Variants in IGF2BP3 observed in about 807,000 individuals in gnomAD.
The protein encoded by IGF2BP3 is insulin-like growth factor 2 mRNA-binding protein 3.
In IGF2BP3, 9 loss-of-function variants were observed where a neutral mutation model predicts 73.8. That is an observed-to-expected ratio of 0.12 (90% confidence interval 0.07 to 0.21). The LOEUF is 0.21. IGF2BP3 is among the 10% of genes least tolerant of loss of function. The pLI, the probability that IGF2BP3 is intolerant of heterozygous loss-of-function variation, is 1.00. For missense variants in IGF2BP3, 542 were observed against 714.0 expected (o/e 0.76, Z 2.75); for synonymous variants, 258 against 256.7 (o/e 1.01, Z -0.05).
chr7:23,362,983 G>C (rs1785270797), intron 3 of IGF2BP3, among the ~76,000 whole-genome samples: 1 of 150,824 alleles, frequency 6.6e-6, no homozygotes. Context: ...TCAAACTCCT[G>C]AGCTCAAGGG....
chr7:23,363,110 A>G (rs1562700973), intron 3 of IGF2BP3, among the ~76,000 whole-genome samples: 1 of 152,230 alleles, frequency 6.6e-6, no homozygotes, highest in Non-Finnish European at 1.5e-5. Context: ...GTGCCAGGAA[A>G]TAGAAAACAA....
chr7:23,425,157 G>T (rs1222205477), intron 2 of IGF2BP3, among the ~76,000 whole-genome samples: 1 of 152,126 alleles, frequency 6.6e-6, no homozygotes, highest in Non-Finnish European at 1.5e-5. Context: ...CATGAGGTTT[G>T]TTCGTATCAA....
chr7:23,330,204 T>C (rs943965411), intron 10 of IGF2BP3, among the ~76,000 whole-genome samples: 2 of 151,994 alleles, frequency 1.3e-5, no homozygotes, highest in African/African-American at 4.8e-5. Flanking sequence ...GAGAATGGCT[T>C]GAACCTGGGA....
intron 10 of IGF2BP3, among the ~76,000 whole-genome samples, chr7:23,335,786 G>A (rs959367433): frequency 1.3e-5 from 2 of 152,182 alleles, no homozygotes; most frequent in African/African-American, 4.8e-5. Context: ...CAGCTAAGGC[G>A]ACACGCACTA....
chr7:23,328,583 G>T (rs1784363371), intron 10 of IGF2BP3, among the ~76,000 whole-genome samples: 1 of 152,098 alleles, frequency 6.6e-6, no homozygotes, highest in African/African-American at 2.4e-5. Context: ...AATAACTTTT[G>T]CCTATTTTCC....
intron 2 of IGF2BP3, among the ~76,000 whole-genome samples, chr7:23,437,291 G>A (rs1787828435): frequency 6.6e-6 from 1 of 151,616 alleles, no homozygotes. Context: ...AGACCAGTCT[G>A]GCCCACATGG....
intron 3 of IGF2BP3, chr7:23,402,824 G>A (rs1786709429): frequency 6.6e-6 from 1 of 152,074 alleles, no homozygotes; most frequent in Non-Finnish European, 1.5e-5. Flanking sequence ...AAAAATAACT[G>A]GTCCTTCAAC....
intron 3 of IGF2BP3, among the ~76,000 whole-genome samples, chr7:23,417,178 C>T (rs894332942): frequency 4.6e-5 from 7 of 152,178 alleles, no homozygotes; most frequent in African/African-American, 9.7e-5. Flanking sequence ...TTATTCCTAA[C>T]GAACTCTCAA....
chr7:23,362,957 G>A (rs962914379), intron 3 of IGF2BP3, among the ~76,000 whole-genome samples: 9 of 151,930 alleles, frequency 5.9e-5, no homozygotes, highest in African/African-American at 9.7e-5. Flanking sequence ...GTCTTACTAC[G>A]TTGCCCAGGC....
At chr7:23,467,106 C>G (rs1788582914) in intron 2 of IGF2BP3, among the ~76,000 whole-genome samples, 1 of 152,176 alleles carries the variant, frequency 6.6e-6, no homozygotes, top group Admixed American at 6.5e-5. Context: ...GTGACCCCTA[C>G]CAAAATTCCC....
At chr7:23,408,484 AAAAC>A (rs2128529739) in intron 3 of IGF2BP3, among the ~76,000 whole-genome samples, 1 of 152,338 alleles carries the variant, frequency 6.6e-6, no homozygotes, top group South Asian at 2.1e-4. Flanking sequence ...TTTAGAAAAA[AAAAC>A]AAAACAAAAT....
At chr7:23,328,148 T>C (rs1047241212) in intron 10 of IGF2BP3, among the ~76,000 whole-genome samples, 2 of 152,210 alleles carry the variant, frequency 1.3e-5, no homozygotes, top group African/African-American at 4.8e-5. Flanking sequence ...TTTACATTTT[T>C]CAAGAAAAAT....
At chr7:23,347,808 A>C in intron 6 of IGF2BP3, 74 bp from the exon 7 acceptor site, 1 of 1,576,680 alleles carries the variant, frequency 6.3e-7, no homozygotes, top group Non-Finnish European at 8.7e-7. Context: ...GTAATTACCA[A>C]ATGCAAAGTC....
intron 11 of IGF2BP3, among the ~76,000 whole-genome samples, chr7:23,318,270 T>G (rs1404030998): frequency 2.0e-5 from 3 of 152,194 alleles, no homozygotes; most frequent in Non-Finnish European, 4.4e-5. Flanking sequence ...TGGCCTAGGC[T>G]GGAGTGCAGT....
At chr7:23,356,954 A>G (rs1785111276) in intron 5 of IGF2BP3, among the ~76,000 whole-genome samples, 1 of 152,222 alleles carries the variant, frequency 6.6e-6, no homozygotes, top group African/African-American at 2.4e-5. Flanking sequence ...GAATCAGTAT[A>G]AATACACTGA....
At chr7:23,318,053 T>C (rs781455549) in intron 11 of IGF2BP3, among the ~76,000 whole-genome samples, 2 of 152,178 alleles carry the variant, frequency 1.3e-5, no homozygotes, top group Non-Finnish European at 2.9e-5. Context: ...ATCACACAGC[T>C]AACAGAGCTA....
At chr7:23,400,237 G>A (rs1354802391) in intron 3 of IGF2BP3, among the ~76,000 whole-genome samples, 2 of 152,194 alleles carry the variant, frequency 1.3e-5, no homozygotes, top group East Asian at 1.9e-4. Flanking sequence ...ATGCATCTAA[G>A]ATTATCTGAT....
Position 23,367,398 on chromosome 7 carries a change from A to G in IGF2BP3, c.286-5657T>C, listed in dbSNP as rs548917844. On this transcript the variant is annotated intron_variant, in intron 3 of 14. Transcript: ENST00000258729. Reference sequence around the variant, plus strand: ...TTCTTGTCCCCTCTCAGTACTGCTAATCATTCTATGTCAGCCACAAATACT... The same window carrying G: ...TTCTTGTCCCCTCTCAGTACTGCTAGTCATTCTATGTCAGCCACAAATACT... Among the ~76,000 whole-genome samples the G allele has an allele frequency of 3.3e-5, 5 of 150,812 alleles. No individual in the cohort carries two copies. In the South Asian group the frequency reaches 1.0e-3, roughly 32 times the overall value.
intron 2 of IGF2BP3, among the ~76,000 whole-genome samples, chr7:23,452,477 G>C (rs1413370408): frequency 6.6e-6 from 1 of 152,130 alleles, no homozygotes; most frequent in Non-Finnish European, 1.5e-5. Flanking sequence ...GTTACAAATA[G>C]TTGAACATTA....
Sources: allele counts gnomAD v4.1 joint callset (sites outside exome capture counted in the v4.1 genomes callset), GRCh38; gene constraint gnomAD v4.1.1; transcripts MANE v1.5; gene names NCBI Gene and HGNC (gene_info 2026-07-23, HGNC 2026-07-21).